Variants in IFIH1 observed in about 807,000 individuals in gnomAD.
IFIH1 encodes interferon induced with helicase C domain 1, also known as interferon-induced helicase C domain-containing protein 1.
Under a neutral mutation model 107.4 loss-of-function variants are expected in IFIH1, and 125 were observed. The ratio of observed to expected loss-of-function variants is 1.16; its 90% CI spans 1.01 to 1.35. The LOEUF (loss-of-function observed/expected upper bound fraction) is 1.35. Ranked by LOEUF, IFIH1 falls within the 40% of genes most tolerant of loss-of-function variation. The pLI, the probability that IFIH1 is intolerant of heterozygous loss-of-function variation, is 0.00. For missense variants in IFIH1, 1,333 were observed against 1,213.7 expected (o/e 1.10, Z -1.46); for synonymous variants, 458 against 413.2 (o/e 1.11, Z -1.31).
At chr2:162,307,859 C>G (rs968276590) in intron 2 of IFIH1, among the ~76,000 whole-genome samples, 34 of 152,144 alleles carry the variant, frequency 2.2e-4, no homozygotes, top group African/African-American at 7.7e-4. Flanking sequence ...AATATAAATA[C>G]TTTACATACA....
At chr2:162,317,832 G>A (rs778892332) in intron 1 of IFIH1, 23 bp downstream of exon 1, 245 of 1,531,034 alleles carry the variant, frequency 1.6e-4, no homozygotes, top group Non-Finnish European at 1.9e-4. Context: ...TAAAAGGCTA[G>A]CTCCATCTGA....
chr2:162,318,003 A>C lies in IFIH1; in HGVS notation c.305T>G (p.Leu102Trp), dbSNP rs1683540388. 1 of 1,614,058 alleles carries C rather than the reference A, an allele frequency of 6.2e-7. No individual in the cohort carries two copies. The highest frequency in any genetic ancestry group is 1.1e-5 in the South Asian group (1 of 91,088). ...AGCGTTCTCAAACGATGGAGAGGGC[A>C]AGTCCGTGAGCTCAGGGTTCATGTA... ...ARYMNPELTD[L>W]PSPSFENAHD... The change falls in exon 1 of 16, where the codon TTG becomes TGG. Residue 102 changes from leucine to tryptophan, a missense_variant. By Grantham distance (61) the Leu-to-Trp change is moderately conservative (BLOSUM62 -2). Coordinates refer to ENST00000649979, the MANE Select transcript of IFIH1 (RefSeq NM_022168.4).
At position 162,310,850 on chromosome 2, in the gene IFIH1, A is replaced by G; in HGVS notation, c.537T>C (p.Ser179=). The G allele has an allele frequency of 6.2e-7, 1 of 1,613,532 alleles. No homozygotes were observed. The highest frequency in any genetic ancestry group is 1.1e-5 in the South Asian group (1 of 91,056). Residue 179 remains serine, a synonymous_variant, in exon 2 of 16, where the codon TCT becomes TCC. Transcript: ENST00000649979. ...KRIVQKENWF[S]AFLNVLRQTG... The stretch of plus-strand genomic sequence containing the variant: ...TTTGACGAAGAACATTCAGAAATGC[A>G]GAGAACCAGTTTTCTTTCTGCACAA...
chr2:162,293,676 G>A lies in IFIH1; in HGVS notation c.770-8C>T. The A allele has an allele frequency of 6.4e-7, 1 of 1,572,260 alleles. No homozygotes were observed. The highest frequency in any genetic ancestry group is 8.7e-7 in the Non-Finnish European group (1 of 1,144,884). On this transcript the variant is annotated splice_region_variant and splice_polypyrimidine_tract_variant and intron_variant, in intron 3 of 15. Transcript: ENST00000649979. ...CCAAACTTGTGTCTGATTCTGCAAA[G>A]GAAAACATTTTAAAATATTTTTAAA...
chr2:162,304,719 A>C, intron 3 of IFIH1, among the ~76,000 whole-genome samples: 1 of 152,230 alleles, frequency 6.6e-6, no homozygotes. Flanking sequence ...GAAATATGAA[A>C]ATGTAAATTC....
At chr2:162,279,090 ATTTAGT>A (rs1682762436) in intron 8 of IFIH1, among the ~76,000 whole-genome samples, 1 of 152,136 alleles carries the variant, frequency 6.6e-6, no homozygotes, top group Non-Finnish European at 1.5e-5. Flanking sequence ...TACCTGAGAA[ATTTAGT>A]TTTAAAAATC....
At chr2:162,267,773 T>C (rs532599512) in intron 14 of IFIH1, among the ~76,000 whole-genome samples, 1 of 152,376 alleles carries the variant, frequency 6.6e-6, no homozygotes, top group South Asian at 2.1e-4. Flanking sequence ...GCATGTTGCC[T>C]TTCATAACTT....
rs1415811518 is a variant in IFIH1 at position 162,288,250 on chromosome 2, A to G, written c.980T>C (p.Ile327Thr). ...TTTTCCACTCCCTGTAGGGAGGCAG[A>G]TGATGATATTCTTCCCTTCCAAGGC... ...QPALEGKNII[I>T]CLPTGSGKTR... The change falls in exon 5 of 16, where the codon ATC becomes ACC. Residue 327 changes from isoleucine (I) to threonine (T), a missense_variant. Physicochemically the swap from Ile to Thr is moderately conservative, Grantham distance 89 (BLOSUM62 -1). Coordinates refer to ENST00000649979, the MANE Select transcript of IFIH1 (RefSeq NM_022168.4). 3 of 1,612,804 alleles carry G rather than the reference A, an allele frequency of 1.9e-6. No individual in the cohort carries two copies. Among genetic ancestry groups the G allele is most frequent in the Non-Finnish European group, 2.5e-6 (3 of 1,179,184 alleles).
intron 2 of IFIH1, among the ~76,000 whole-genome samples, chr2:162,307,586 G>A (rs1353181250): frequency 6.6e-6 from 1 of 152,114 alleles, no homozygotes; most frequent in Non-Finnish European, 1.5e-5. Context: ...GGCTTATGTG[G>A]GTTAAAAAGA....
chr2:162,297,370 T>G (rs16846591), intron 3 of IFIH1, among the ~76,000 whole-genome samples: 4 of 152,034 alleles, frequency 2.6e-5, no homozygotes, highest in African/African-American at 9.7e-5. Context: ...CGCATGGAGT[T>G]AATTGGAGGC....
At chr2:162,315,594 A>G (rs1467037217) in intron 1 of IFIH1, among the ~76,000 whole-genome samples, 1 of 152,216 alleles carries the variant, frequency 6.6e-6, no homozygotes, top group Non-Finnish European at 1.5e-5. Flanking sequence ...ATACTGTGAG[A>G]AATTTTATGA....
At chr2:162,268,052 T>G (rs766111386) in intron 14 of IFIH1, 35 bp downstream of exon 14, 1 of 1,486,420 alleles carries the variant, frequency 6.7e-7, no homozygotes, top group African/African-American at 1.4e-5. Flanking sequence ...TCACCCCTTG[T>G]GGAAAAATGT....
At chr2:162,297,562 G>A (rs1287766428) in intron 3 of IFIH1, among the ~76,000 whole-genome samples, 1 of 152,008 alleles carries the variant, frequency 6.6e-6, no homozygotes, top group African/African-American at 2.4e-5. Context: ...AATGAAACTC[G>A]AAGAGAAACA....
intron 3 of IFIH1, among the ~76,000 whole-genome samples, chr2:162,301,547 T>C (rs988208452): frequency 6.6e-6 from 1 of 152,226 alleles, no homozygotes; most frequent in African/African-American, 2.4e-5. Flanking sequence ...CCTTTGATTT[T>C]ATTGTAATGC....
At chr2:162,313,247 A>G (rs1363889827) in intron 1 of IFIH1, among the ~76,000 whole-genome samples, 1 of 152,210 alleles carries the variant, frequency 6.6e-6, no homozygotes, top group East Asian at 1.9e-4. Context: ...CTCCTAAAAC[A>G]TTGTAAAGAT....
chr2:162,285,637 A>G (rs1463492475), intron 5 of IFIH1, among the ~76,000 whole-genome samples: 1 of 152,004 alleles, frequency 6.6e-6, no homozygotes, highest in East Asian at 1.9e-4. Context: ...ACAACAATGC[A>G]GTGAATGTGA....
intron 13 of IFIH1, among the ~76,000 whole-genome samples, chr2:162,271,514 A>C (rs1447121133): frequency 6.6e-6 from 1 of 152,150 alleles, no homozygotes; most frequent in Non-Finnish European, 1.5e-5. Context: ...GTAAATGACA[A>C]GTAAATGGGT....
At chr2:162,274,205 A>G (rs1691105253) in intron 11 of IFIH1, among the ~76,000 whole-genome samples, 1 of 152,190 alleles carries the variant, frequency 6.6e-6, no homozygotes, top group Admixed American at 6.5e-5. Flanking sequence ...ATTTTATGCC[A>G]AGGAAATAAA....
At chr2:162,285,580 C>T (rs925063449) in intron 5 of IFIH1, among the ~76,000 whole-genome samples, 2 of 151,808 alleles carry the variant, frequency 1.3e-5, no homozygotes, top group Admixed American at 1.3e-4. Context: ...AGGAGAAAAA[C>T]AATAGAAAAG....
Sources: allele counts gnomAD v4.1 joint callset (sites outside exome capture counted in the v4.1 genomes callset), GRCh38; gene constraint gnomAD v4.1.1; transcripts MANE v1.5; gene names NCBI Gene and HGNC (gene_info 2026-07-23, HGNC 2026-07-21).